The following ABCD2 variants were observed in gnomAD, a reference collection of about 807,000 sequenced individuals.
The protein encoded by ABCD2 is ATP-binding cassette sub-family D member 2.
A neutral mutation model predicts 70.9 loss-of-function variants in ABCD2; 36 were observed. The ratio of observed to expected loss-of-function variants is 0.51; its 90% confidence interval spans 0.39 to 0.67. ABCD2 has a LOEUF of 0.67. Among genes scored for constraint, ABCD2 ranks in the 30% least tolerant of loss-of-function variants. The pLI is 0.00. For missense variants in ABCD2, 729 were observed against 890.2 expected (o/e 0.82, Z 2.30); for synonymous variants, 304 against 306.9 (o/e 0.99, Z 0.10).
intron 9 of ABCD2, among the ~76,000 whole-genome samples, chr12:39,566,550 A>G (rs978235645): frequency 6.6e-6 from 1 of 151,932 alleles, no homozygotes; most frequent in Non-Finnish European, 1.5e-5. Context: ...CTAGCGGTCT[A>G]TCGATTTTGT....
chr12:39,534,766 GAAAGAA>G, the ABCD2 span, among the ~76,000 whole-genome samples: 149 of 18,182 alleles, frequency 8.2e-3, 8 homozygotes, highest in South Asian at 0.2. Flanking sequence ...GAAAGAGAAA[GAAAGAA>G]AGAAAGAAAG....
At chr12:39,598,061 G>A (rs1447450442) in intron 6 of ABCD2, among the ~76,000 whole-genome samples, 1 of 152,062 alleles carries the variant, frequency 6.6e-6, no homozygotes, top group Non-Finnish European at 1.5e-5. Flanking sequence ...AAAAATAAAT[G>A]GCCTAATATA....
At chr12:39,544,960 G>T in the ABCD2 span, among the ~76,000 whole-genome samples, 1 of 152,170 alleles carries the variant, frequency 6.6e-6, no homozygotes, top group Admixed American at 6.5e-5. Flanking sequence ...TAAAAGCAAA[G>T]ATTTGAAAGC....
At chr12:39,578,264 G>C (rs910726708) in intron 8 of ABCD2, among the ~76,000 whole-genome samples, 1 of 152,094 alleles carries the variant, frequency 6.6e-6, no homozygotes, top group Non-Finnish European at 1.5e-5. Flanking sequence ...CACGAGGTCA[G>C]GAGATCGAGA....
chr12:39,619,053 A>T lies in ABCD2; in HGVS notation c.563T>A (p.Phe188Tyr), dbSNP rs1942155973. 1 of 1,614,030 alleles carries T rather than the reference A, an allele frequency of 6.2e-7. No homozygotes were observed. The highest frequency in any genetic ancestry group is 1.7e-5 in the Admixed American group (1 of 60,000). Residue 188 changes from phenylalanine (F) to tyrosine (Y), a missense_variant, in exon 1 of 10, where the codon TTT becomes TAT. Coordinates refer to ENST00000308666, the MANE Select transcript of ABCD2 (RefSeq NM_005164.4). ...RLVDHAYETY[F>Y]TNQTYYKVIN... ...CACTTTATAATAAGTCTGATTTGTA[A>T]AATAGGTTTCATAGGCGTGGTCTAC...
chr12:39,562,801 TTA>T (rs1176065132), intron 9 of ABCD2, among the ~76,000 whole-genome samples: 3 of 152,088 alleles, frequency 2.0e-5, no homozygotes, highest in Admixed American at 6.6e-5. Flanking sequence ...ACATCCAAAC[TTA>T]TTCTACAAGG....
rs1179062504 is a variant in ABCD2 at position 39,603,941 on chromosome 12, C to T, written c.1471G>A (p.Glu491Lys). Reference sequence around the variant, plus strand: ...AAGTTTAGCCTGGAAGCCACCACTTCTCCTGCTGGTGTAATTATGGGAACA... The same window carrying T: ...AAGTTTAGCCTGGAAGCCACCACTTTTCCTGCTGGTGTAATTATGGGAACA... Reference protein sequence around the residue: ...ENVPIITPAGEVVASRLNFKV... With the variant: ...ENVPIITPAGKVVASRLNFKV... The change falls in exon 5 of 10, where the codon GAA (glutamate) becomes AAA (lysine). Residue 491 changes from glutamate (E) to lysine (K), a missense_variant. Transcript: ENST00000308666. 1 of 1,612,754 alleles carries T rather than the reference C, an allele frequency of 6.2e-7. No homozygotes were observed. The highest frequency in any genetic ancestry group is 1.1e-5 in the South Asian group (1 of 91,012).
At chr12:39,599,732 GGACATAT>G (rs1338607908) in intron 6 of ABCD2, among the ~76,000 whole-genome samples, 1 of 152,114 alleles carries the variant, frequency 6.6e-6, no homozygotes, top group African/African-American at 2.4e-5. Flanking sequence ...GGGACAAAAG[GGACATAT>G]GAGAGCACTA....
At chr12:39,570,347 T>G (rs552927552) in intron 9 of ABCD2, among the ~76,000 whole-genome samples, 100 of 152,312 alleles carry the variant, frequency 6.6e-4, no homozygotes, top group African/African-American at 2.3e-3. Context: ...ACTACCAAAC[T>G]GTAGCAACCC....
chr12:39,538,045 A>G, the ABCD2 span, among the ~76,000 whole-genome samples: 1 of 152,182 alleles, frequency 6.6e-6, no homozygotes, highest in Admixed American at 6.5e-5. Context: ...CATAGCGTGT[A>G]TACTAAGTAG....
At chr12:39,561,225 G>A (rs376719403) in intron 9 of ABCD2, among the ~76,000 whole-genome samples, 22 of 140,788 alleles carry the variant, frequency 1.6e-4, no homozygotes, top group East Asian at 2.3e-4. Context: ...GTGAAACCCC[G>A]TCTCTACTAA....
intron 9 of ABCD2, among the ~76,000 whole-genome samples, chr12:39,568,281 G>A (rs1011646164): frequency 6.6e-6 from 1 of 152,232 alleles, no homozygotes; most frequent in South Asian, 2.1e-4. Context: ...TGTAGATTTG[G>A]TCTTTTCACA....
intron 2 of ABCD2, among the ~76,000 whole-genome samples, chr12:39,612,113 A>G (rs1270548247): frequency 1.3e-5 from 2 of 152,188 alleles, no homozygotes; most frequent in African/African-American, 4.8e-5. Context: ...TAGAACCCTT[A>G]CACATTGCTG....
chr12:39,589,455 C>T (rs1274640469), intron 6 of ABCD2, among the ~76,000 whole-genome samples: 5 of 147,552 alleles, frequency 3.4e-5, no homozygotes, highest in African/African-American at 7.5e-5. Context: ...GGCGCCATCT[C>T]GGTGGCTCAC....
At chr12:39,541,881 A>G in the ABCD2 span, among the ~76,000 whole-genome samples, 1 of 152,238 alleles carries the variant, frequency 6.6e-6, no homozygotes, top group Non-Finnish European at 1.5e-5. Flanking sequence ...AAGTAAAAGA[A>G]TACAGACAGA....
At chr12:39,589,606 C>T (rs1941716718) in intron 6 of ABCD2, among the ~76,000 whole-genome samples, 4 of 152,018 alleles carry the variant, frequency 2.6e-5, no homozygotes, top group Admixed American at 2.6e-4. Flanking sequence ...CCAGGATGGT[C>T]TTGATCTCCT....
chr12:39,539,012 A>C, the ABCD2 span, among the ~76,000 whole-genome samples: 23 of 152,290 alleles, frequency 1.5e-4, no homozygotes, highest in Non-Finnish European at 2.5e-4. Flanking sequence ...GCTCATTAAA[A>C]CAGCATGTTG....
intron 9 of ABCD2, among the ~76,000 whole-genome samples, chr12:39,562,210 A>G (rs1941270518): frequency 6.6e-6 from 1 of 152,156 alleles, no homozygotes; most frequent in South Asian, 2.1e-4. Flanking sequence ...AGGAAAATTT[A>G]TAGCAACAAA....
At chr12:39,575,731 A>C (rs1941507684) in intron 8 of ABCD2, among the ~76,000 whole-genome samples, 2 of 152,218 alleles carry the variant, frequency 1.3e-5, no homozygotes. Context: ...CACTAGATTG[A>C]ATACCTAAAA....
Sources: allele counts gnomAD v4.1 joint callset (sites outside exome capture counted in the v4.1 genomes callset), GRCh38; gene constraint gnomAD v4.1.1; transcripts MANE v1.5; gene names NCBI Gene and HGNC (gene_info 2026-07-23, HGNC 2026-07-21).